Variants in SPON1 observed in about 807,000 individuals in gnomAD.
The protein encoded by SPON1 is spondin 1, also known as spondin-1.
Under a neutral mutation model 111.7 loss-of-function variants are expected in SPON1, and 52 were observed. The observed-to-expected ratio is 0.47, with a 90% confidence interval of 0.37 to 0.59. SPON1 has a LOEUF of 0.59. Ranked by LOEUF, SPON1 falls within the 20% of genes least tolerant of loss-of-function variation. The pLI is 0.00. For synonymous variants in SPON1, 410 were observed against 395.8 expected, an observed-to-expected ratio of 1.04 and a Z score of -0.43; for missense variants, 957 against 1,068.5, an observed-to-expected ratio of 0.90 and a Z score of 1.46.
intron 14 of SPON1, 92 bp from the exon 15 acceptor site, chr11:14,262,620 C>A: frequency 1.3e-6 from 2 of 1,499,674 alleles, no homozygotes; most frequent in South Asian, 1.2e-5. Flanking sequence ...TGCTTTGCAT[C>A]CCTCATAGGC....
intron 5 of SPON1, among the ~76,000 whole-genome samples, chr11:14,108,507 T>C (rs938543417): frequency 3.0e-4 from 46 of 152,186 alleles, no homozygotes; most frequent in African/African-American, 1.1e-3. Flanking sequence ...GTTCCAGGTA[T>C]ATTTTGTCAT....
At chr11:14,127,532 G>A (rs990345482) in intron 5 of SPON1, among the ~76,000 whole-genome samples, 1 of 152,084 alleles carries the variant, frequency 6.6e-6, no homozygotes, top group African/African-American at 2.4e-5. Flanking sequence ...CCTACCAAAG[G>A]TATGGTACCA....
At chr11:14,133,568 A>G (rs989883940) in intron 5 of SPON1, among the ~76,000 whole-genome samples, 1 of 152,212 alleles carries the variant, frequency 6.6e-6, no homozygotes, top group East Asian at 1.9e-4. Flanking sequence ...TGCAGGCAGG[A>G]CACGCCTAGA....
At position 14,111,365 on chromosome 11, in the gene SPON1, G is replaced by A. The variant is rs1849225516; in HGVS notation, c.677-24055G>A. 1.3e-5 allele frequency among the ~76,000 whole-genome samples: 2 copies of A among 152,068 alleles called. 1 individual carries two copies. The highest frequency in any genetic ancestry group is 1.3e-4 in the Admixed American group (2 of 15,266). On this transcript the variant is annotated intron_variant, in intron 5 of 15. Transcript: ENST00000576479. ...TCAAGAAAGGCATTAGAGTTGGTTG[G>A]GACTGTTACTATATCCCCAGCTCCA...
At chr11:14,059,030 G>T (rs1554919561) in intron 3 of SPON1, among the ~76,000 whole-genome samples, 1 of 152,164 alleles carries the variant, frequency 6.6e-6, no homozygotes, top group Non-Finnish European at 1.5e-5. Flanking sequence ...AGGGGTAAAG[G>T]GAGTGGGGAT....
intron 2 of SPON1, among the ~76,000 whole-genome samples, chr11:14,033,517 G>A (rs1554916298): frequency 6.6e-6 from 1 of 152,164 alleles, no homozygotes; most frequent in Non-Finnish European, 1.5e-5. Flanking sequence ...ATTTAGGGAA[G>A]AAGGGTTGTA....
In SPON1 at chr11:14,262,841, C is replaced by T. The variant is rs556187698; in HGVS notation, c.2126C>T (p.Thr709Ile). The change falls in exon 15 of 16, where the codon ACT (threonine) becomes ATT (isoleucine). Residue 709 changes from threonine (T) to isoleucine (I), a missense_variant. Coordinates refer to ENST00000576479, the MANE Select transcript of SPON1 (RefSeq NM_006108.4). ...TTTGGAGGTGCACCCTGCCCAGAGA[C>T]TGTGCAGCGAAAAAAGTGCCGCATC... ...PQFGGAPCPETVQRKKCRIRK... is the reference protein window; with the variant it reads ...PQFGGAPCPEIVQRKKCRIRK... 1.9e-6 allele frequency: 3 copies of T among 1,613,900 alleles called. No homozygotes were observed. Among genetic ancestry groups the T allele is most frequent in the Middle Eastern group, 1.6e-4 (1 of 6,062 alleles).
intron 3 of SPON1, among the ~76,000 whole-genome samples, chr11:14,063,155 A>G (rs1387414453): frequency 6.6e-6 from 1 of 152,130 alleles, no homozygotes; most frequent in African/African-American, 2.4e-5. Flanking sequence ...CAACCTTAGG[A>G]TATAGATTTT....
At chr11:14,111,395 C>G (rs1849225844) in intron 5 of SPON1, among the ~76,000 whole-genome samples, 1 of 152,180 alleles carries the variant, frequency 6.6e-6, no homozygotes. Flanking sequence ...GCTCCAGCAC[C>G]ATATCTGATA....
At chr11:14,071,248 C>A (rs1554920859) in intron 3 of SPON1, among the ~76,000 whole-genome samples, 1 of 151,990 alleles carries the variant, frequency 6.6e-6, no homozygotes, top group Non-Finnish European at 1.5e-5. Flanking sequence ...AGGAGTTGAC[C>A]AAATGAGGAA....
chr11:14,265,825 A>G lies in SPON1; in HGVS notation c.*138A>G, dbSNP rs894518144. The stretch of plus-strand genomic sequence containing the variant: ...TGTGGTTCGCCCAGTAGTCTTGTGG[A>G]TGCCAGAGACATCCTTTCTGAATAC... On this transcript the variant is annotated 3_prime_UTR_variant, in exon 16 of 16. Coordinates refer to ENST00000576479, the MANE Select transcript of SPON1 (RefSeq NM_006108.4). 3.0e-6 allele frequency: 3 copies of G among 993,356 alleles called. No individual in the cohort carries two copies. The African/African-American group carries it at 4.9e-5, about 16-fold the overall frequency. The allele number at this position is 993,356 out of a possible 1,614,324, so 61.5% of individuals were successfully genotyped here. A position where few individuals can be genotyped will look rare whatever the true frequency, so the allele number is the denominator to read the frequency against.
At chr11:14,261,561 C>T (rs1337459995) in intron 14 of SPON1, among the ~76,000 whole-genome samples, 1 of 152,200 alleles carries the variant, frequency 6.6e-6, no homozygotes, top group Admixed American at 6.5e-5. Context: ...GAGCACTGGA[C>T]ATGGCAAGGA....
intron 2 of SPON1, among the ~76,000 whole-genome samples, chr11:14,038,841 T>C (rs1554916957): frequency 6.6e-6 from 1 of 152,196 alleles, no homozygotes; most frequent in African/African-American, 2.4e-5. Context: ...AATTGTGCTC[T>C]TTGGTATTTA....
intron 6 of SPON1, among the ~76,000 whole-genome samples, chr11:14,164,516 T>C (rs1251957009): frequency 6.6e-6 from 1 of 152,164 alleles, no homozygotes; most frequent in Non-Finnish European, 1.5e-5. Context: ...ACAAACTTTT[T>C]TACATAAGAC....
At position 14,162,856 on chromosome 11, in the gene SPON1, G is replaced by A. The variant is rs555409915; in HGVS notation, c.825+27288G>A. On this transcript the variant is annotated intron_variant, in intron 6 of 15. Coordinates refer to ENST00000576479, the MANE Select transcript of SPON1 (RefSeq NM_006108.4). ...GAGTGGGCACCCAGCTGAATCATCC[G>A]GATGCCCTAGCTCTGTCAGTGTTTA... Among the ~76,000 whole-genome samples, 14 of 152,266 alleles carry A rather than the reference G, an allele frequency of 9.2e-5. No homozygotes were observed. In the East Asian group the frequency reaches 9.6e-4, roughly 10 times the overall value.
chr11:14,097,019 C>T (rs1554923933), intron 5 of SPON1, among the ~76,000 whole-genome samples: 1 of 152,124 alleles, frequency 6.6e-6, no homozygotes, highest in Non-Finnish European at 1.5e-5. Flanking sequence ...AATTGCCTTC[C>T]TCTCCCCCAT....
chr11:14,163,107 A>C (rs1847986571), intron 6 of SPON1, among the ~76,000 whole-genome samples: 1 of 152,206 alleles, frequency 6.6e-6, no homozygotes, highest in South Asian at 2.1e-4. Context: ...TTCCAATCTA[A>C]ATATCACAGA....
At chr11:14,006,012 G>A (rs1297276564) in intron 2 of SPON1, among the ~76,000 whole-genome samples, 2 of 152,166 alleles carry the variant, frequency 1.3e-5, no homozygotes, top group Non-Finnish European at 2.9e-5. Context: ...TAACATACCA[G>A]TACTTAATAA....
chr11:14,241,286 G>C (rs568150023), intron 6 of SPON1, among the ~76,000 whole-genome samples: 6 of 152,214 alleles, frequency 3.9e-5, no homozygotes, highest in Non-Finnish European at 7.3e-5. Flanking sequence ...AGAAAAAAAA[G>C]TGGAGCAGAA....
Sources: allele counts gnomAD v4.1 joint callset (sites outside exome capture counted in the v4.1 genomes callset), GRCh38; gene constraint gnomAD v4.1.1; transcripts MANE v1.5; gene names NCBI Gene and HGNC (gene_info 2026-07-23, HGNC 2026-07-21).